Variants in C12orf60 observed in about 807,000 individuals in gnomAD.
The protein encoded by C12orf60 is uncharacterized protein C12orf60.
For missense variants in C12orf60, 284 were observed against 283.2 expected, an observed-to-expected ratio of 1.00 and a Z score of -0.02; for synonymous variants, 102 against 94.6, an observed-to-expected ratio of 1.08 and a Z score of -0.45.
chr12:14,812,260 C>T (rs1190599558), intron 1 of C12orf60, among the ~76,000 whole-genome samples: 14 of 151,994 alleles, frequency 9.2e-5, no homozygotes, highest in African/African-American at 2.2e-4. Flanking sequence ...CTGGCTAACA[C>T]GGTGAAACCC....
chr12:14,811,955 T>C (rs1950146501), intron 1 of C12orf60, among the ~76,000 whole-genome samples: 1 of 152,366 alleles, frequency 6.6e-6, no homozygotes, highest in East Asian at 1.9e-4. Flanking sequence ...TTTTTAAATA[T>C]ATACTTATTA....
At chr12:14,812,075 A>C (rs1950148232) in intron 1 of C12orf60, among the ~76,000 whole-genome samples, 1 of 152,246 alleles carries the variant, frequency 6.6e-6, no homozygotes, top group African/African-American at 2.4e-5. Flanking sequence ...ATGCATAAGT[A>C]TCTTCACAAA....
At position 14,824,298 on chromosome 12, in the gene C12orf60, A is replaced by G. The variant is rs1329856605; in HGVS notation, c.*625A>G. On this transcript the variant is annotated 3_prime_UTR_variant, in exon 2 of 2. Coordinates refer to ENST00000330828, the MANE Select transcript of C12orf60 (RefSeq NM_175874.4). ...ATTAGAAAATACTAGAGGTGGAAAA[A>G]TGGAAGTACTCTAGCCTTTCACAAA... 1.3e-5 allele frequency: 2 copies of G among 152,206 alleles called. No homozygotes were observed. The highest frequency in any genetic ancestry group is 2.9e-5 in the Non-Finnish European group (2 of 68,034). The allele number at this position is 152,206 out of a possible 1,614,324, so 9.4% of individuals were successfully genotyped here. A position where few individuals can be genotyped will look rare whatever the true frequency, so the allele number is the denominator to read the frequency against.
intron 1 of C12orf60, among the ~76,000 whole-genome samples, chr12:14,818,662 C>T (rs1340303904): frequency 1.3e-5 from 2 of 152,112 alleles, no homozygotes; most frequent in Non-Finnish European, 2.9e-5. Context: ...TGCCTGTACT[C>T]CCAGCTACTT....
intron 1 of C12orf60, among the ~76,000 whole-genome samples, chr12:14,820,115 A>G (rs572727364): frequency 6.6e-6 from 1 of 150,862 alleles, no homozygotes. Flanking sequence ...TTTTAAGGGA[A>G]TAGGCCTATT....
rs759041348 is a variant in C12orf60, at chr12:14,806,617, G to A, written c.-25+2866G>A. 56 of 1,613,784 alleles carry A rather than the reference G, an allele frequency of 3.5e-5. No individual in the cohort carries two copies. Among genetic ancestry groups the A allele is most frequent in the Non-Finnish European group, 4.0e-5 (47 of 1,179,936 alleles). On this transcript the variant is annotated intron_variant, in intron 1 of 1. Transcript: ENST00000330828. Reference sequence around the variant, plus strand: ...GATAAGCAATCAAGAAGCTGCTGGTGAAGACGATTTACTTCTTCCCGCCTT... The same window carrying A: ...GATAAGCAATCAAGAAGCTGCTGGTAAAGACGATTTACTTCTTCCCGCCTT...
At chr12:14,822,873 A>G in intron 1 of C12orf60, 39 bp from the exon 2 acceptor site, 1 of 1,492,906 alleles carries the variant, frequency 6.7e-7, no homozygotes, top group Non-Finnish European at 8.9e-7. Context: ...TGCCAAATCG[A>G]CTTTTATTTT....
intron 1 of C12orf60, chr12:14,806,023 C>T (rs749737279): frequency 6.2e-7 from 1 of 1,610,204 alleles, no homozygotes; most frequent in Admixed American, 1.7e-5. Flanking sequence ...TGGTGTTTCA[C>T]TGTATTGATG....
At chr12:14,813,321 T>A (rs192866638) in intron 1 of C12orf60, among the ~76,000 whole-genome samples, 70 of 152,308 alleles carry the variant, frequency 4.6e-4, no homozygotes, top group African/African-American at 1.7e-3. Context: ...AGTTTCCTTA[T>A]CTGGGAGTGT....
intron 1 of C12orf60, among the ~76,000 whole-genome samples, chr12:14,810,105 C>T (rs1170246210): frequency 6.6e-6 from 1 of 152,132 alleles, no homozygotes; most frequent in South Asian, 2.1e-4. Context: ...ATTATGTTTC[C>T]CTTATAATGA....
intron 1 of C12orf60, among the ~76,000 whole-genome samples, chr12:14,816,728 C>T (rs1415987746): frequency 6.6e-6 from 1 of 151,036 alleles, no homozygotes; most frequent in African/African-American, 2.4e-5. Flanking sequence ...AATTGCTGAT[C>T]AGGTCTTTAT....
chr12:14,809,887 A>G (rs1387321678), intron 1 of C12orf60, among the ~76,000 whole-genome samples: 2 of 152,224 alleles, frequency 1.3e-5, no homozygotes, highest in Admixed American at 1.3e-4. Flanking sequence ...AATAGTATCT[A>G]ATAAAATGGT....
chr12:14,821,661 C>T (rs1950307210), intron 1 of C12orf60, among the ~76,000 whole-genome samples: 1 of 152,142 alleles, frequency 6.6e-6, no homozygotes, highest in Non-Finnish European at 1.5e-5. Context: ...AGTCTACATG[C>T]ATTGAAAATC....
chr12:14,819,538 T>A (rs1950273886), intron 1 of C12orf60, among the ~76,000 whole-genome samples: 1 of 152,158 alleles, frequency 6.6e-6, no homozygotes, highest in Admixed American at 6.5e-5. Context: ...TTTCTAGGAT[T>A]TCCAGTATGA....
intron 1 of C12orf60, among the ~76,000 whole-genome samples, chr12:14,807,966 G>C (rs1950079342): frequency 6.6e-6 from 1 of 152,218 alleles, no homozygotes; most frequent in African/African-American, 2.4e-5. Flanking sequence ...AGGAGTTCAA[G>C]ACCAGCCTGG....
intron 1 of C12orf60, among the ~76,000 whole-genome samples, chr12:14,808,152 G>A (rs1280585473): frequency 3.3e-5 from 5 of 149,558 alleles, no homozygotes; most frequent in Admixed American, 1.4e-4. Flanking sequence ...GCAACAGAGC[G>A]AGACTTTGTC....
intron 1 of C12orf60, chr12:14,805,656 T>C (rs1290246062): frequency 5.4e-6 from 1 of 185,554 alleles, no homozygotes; most frequent in Non-Finnish European, 1.1e-5. Context: ...CTGCATTCAA[T>C]GTGAAATTTA....
chr12:14,815,942 A>G (rs12306538), intron 1 of C12orf60, among the ~76,000 whole-genome samples: 2,470 of 152,334 alleles, frequency 0.016, 87 homozygotes, highest in African/African-American at 0.057. Flanking sequence ...AACAGTAACA[A>G]TGCAAAATAA....
intron 1 of C12orf60, among the ~76,000 whole-genome samples, chr12:14,817,773 T>C (rs1950243810): frequency 1.3e-5 from 2 of 151,950 alleles, no homozygotes; most frequent in Admixed American, 6.5e-5. Flanking sequence ...CTGTTGTAAA[T>C]AGTGCTGCAA....
Sources: gnomAD v4.1 joint callset for allele counts (sites outside exome capture counted in the v4.1 genomes callset) on GRCh38, gnomAD v4.1.1 for gene constraint, MANE v1.5 for transcripts, NCBI Gene and HGNC (gene_info 2026-07-23, HGNC 2026-07-21) for gene names.